The following UBE3D variants were observed in gnomAD, a reference collection of about 807,000 sequenced individuals.
The protein encoded by UBE3D is ubiquitin protein ligase E3D, also known as E3 ubiquitin-protein ligase E3D.
UBE3D carries 48 observed loss-of-function variants against 49.6 expected under a neutral mutation model. The ratio of observed to expected loss-of-function variants is 0.97; its 90% CI spans 0.77 to 1.23. The LOEUF (loss-of-function observed/expected upper bound fraction) is 1.23, where lower values mean the gene tolerates loss of function less well. UBE3D is among the 50% of genes most tolerant of loss of function. The pLI is 0.00. For synonymous variants in UBE3D, 189 were observed against 174.2 expected, an observed-to-expected ratio of 1.08 and a Z score of -0.67; for missense variants, 452 against 468.4, an observed-to-expected ratio of 0.96 and a Z score of 0.32.
rs1047142359 is a variant in UBE3D at position 82,966,425 on chromosome 6, C to T, written c.1011-8975G>A. ...CAGCACTTTGGGAGGCCGAGGCGGGCGGATCACGAGGTCAGGAGATCGAGA... is the reference window on the plus strand; with the variant it reads ...CAGCACTTTGGGAGGCCGAGGCGGGTGGATCACGAGGTCAGGAGATCGAGA... On this transcript the variant is annotated intron_variant, in intron 8 of 9. Coordinates refer to ENST00000369747, the MANE Select transcript of UBE3D (RefSeq NM_198920.3). 6.9e-5 allele frequency among the ~76,000 whole-genome samples: 5 copies of T among 72,134 alleles called. 1 individual carries two copies. In the East Asian group the frequency reaches 1.1e-3, roughly 17 times the overall value. The allele number at this position is 72,134 out of a possible 152,430, so 47.3% of individuals were successfully genotyped here. A position where few individuals can be genotyped will look rare whatever the true frequency, so the allele number is the denominator to read the frequency against.
chr6:82,888,672 AG>A (rs1730168505), downstream of UBE3D, among the ~76,000 whole-genome samples: 1 of 152,192 alleles, frequency 6.6e-6, no homozygotes, highest in African/African-American at 2.4e-5. Context: ...TCCTAGAATA[AG>A]GGTGGCCTTG....
intron 8 of UBE3D, among the ~76,000 whole-genome samples, chr6:82,961,759 C>T (rs1210295922): frequency 6.6e-6 from 1 of 151,694 alleles, no homozygotes; most frequent in African/African-American, 2.4e-5. Flanking sequence ...GTCGGGAGTT[C>T]GAGACCAGCC....
Position 82,892,865 on chromosome 6 carries a change from A to T in UBE3D, c.*157T>A, listed in dbSNP as rs995164517. On this transcript the variant is annotated 3_prime_UTR_variant, in exon 10 of 10. Transcript: ENST00000369747. The stretch of plus-strand genomic sequence containing the variant: ...AGTTAACTCTTCTCTTAGAGAATAC[A>T]TGCAAACAAGTAAACTTAAAACTTC... The T allele has an allele frequency of 5.8e-6, 5 of 868,200 alleles. No individual in the cohort carries two copies. Among genetic ancestry groups the T allele is most frequent in the African/African-American group, 1.7e-5 (1 of 60,480 alleles). The allele number at this position is 868,200 out of a possible 1,614,324, so 53.8% of individuals were successfully genotyped here. A position where few individuals can be genotyped will look rare whatever the true frequency, so the allele number is the denominator to read the frequency against.
At chr6:83,028,428 C>T (rs1781635595) in intron 5 of UBE3D, among the ~76,000 whole-genome samples, 1 of 152,152 alleles carries the variant, frequency 6.6e-6, no homozygotes, top group Non-Finnish European at 1.5e-5. Flanking sequence ...AAGTTCAAGA[C>T]TTGAAATTCC....
chr6:83,045,131 T>C (rs1165816627), intron 3 of UBE3D, among the ~76,000 whole-genome samples: 1 of 152,200 alleles, frequency 6.6e-6, no homozygotes, highest in Non-Finnish European at 1.5e-5. Context: ...TGAATGTTCC[T>C]GTTAGAATAT....
Position 82,992,502 on chromosome 6 carries a change from C to T in UBE3D, c.1010+26471G>A, listed in dbSNP as rs547645054. On this transcript the variant is annotated intron_variant, in intron 8 of 9. Transcript: ENST00000369747. ...TCTCCCAAAGTGCTGGGATTACAGG[C>T]GTGAGCCACCACGCCCAGCTGACAT... Among the ~76,000 whole-genome samples the T allele has an allele frequency of 1.8e-4, 27 of 152,156 alleles. 1 individual carries two copies. The East Asian group carries it at 2.5e-3, about 14-fold the overall frequency.
chr6:82,891,864 A>G (rs567267788), downstream of UBE3D, among the ~76,000 whole-genome samples: 13 of 152,298 alleles, frequency 8.5e-5, no homozygotes, highest in African/African-American at 2.9e-4. Context: ...TGTCTCTACT[A>G]AAAATACAAA....
chr6:82,899,007 A>C (rs2127715177), intron 9 of UBE3D, among the ~76,000 whole-genome samples: 1 of 152,188 alleles, frequency 6.6e-6, no homozygotes, highest in East Asian at 1.9e-4. Flanking sequence ...AGGTGATTCC[A>C]ATCCTAAGGT....
intron 9 of UBE3D, among the ~76,000 whole-genome samples, chr6:82,903,308 A>C (rs1771871467): frequency 6.6e-6 from 1 of 152,096 alleles, no homozygotes; most frequent in Admixed American, 6.6e-5. Context: ...TTTGAGAAGA[A>C]AGTAGATTAC....
intron 5 of UBE3D, among the ~76,000 whole-genome samples, chr6:83,031,349 G>A (rs1003350218): frequency 7.9e-5 from 12 of 152,196 alleles, no homozygotes; most frequent in African/African-American, 2.9e-4. Context: ...TTCAAGAAGT[G>A]ACAGAGCATA....
At chr6:82,979,414 T>C (rs911484394) in intron 8 of UBE3D, among the ~76,000 whole-genome samples, 1 of 152,168 alleles carries the variant, frequency 6.6e-6, no homozygotes, top group African/African-American at 2.4e-5. Context: ...TCCTAACATG[T>C]GGCTCTCTGG....
chr6:82,918,569 T>C (rs1279425277), intron 9 of UBE3D, among the ~76,000 whole-genome samples: 1 of 152,198 alleles, frequency 6.6e-6, no homozygotes, highest in East Asian at 1.9e-4. Flanking sequence ...GAATTTGTTG[T>C]AATAGGATGA....
chr6:82,949,011 C>T (rs186978118), intron 9 of UBE3D, among the ~76,000 whole-genome samples: 56 of 152,066 alleles, frequency 3.7e-4, no homozygotes, highest in Admixed American at 2.0e-3. Flanking sequence ...ACTGGAAGTC[C>T]TAGCTATAGC....
chr6:83,036,407 T>C (rs953756489), intron 5 of UBE3D: 1 of 152,176 alleles, frequency 6.6e-6, no homozygotes, highest in African/African-American at 2.4e-5. Flanking sequence ...TTTAATTTTT[T>C]TTTTCTGAAG....
At position 82,911,771 on chromosome 6, in the gene UBE3D, G is replaced by A. The variant is rs190514435; in HGVS notation, c.1150-18729C>T. 3.4e-4 allele frequency among the ~76,000 whole-genome samples: 51 copies of A among 152,216 alleles called. No individual in the cohort carries two copies. In the East Asian group the frequency reaches 5.6e-3, roughly 17 times the overall value. ...AAAAGGGGATGTACAGGATTAGGACGGGGGATCACAACATTTACACTGATA... is the reference window on the plus strand; with the variant it reads ...AAAAGGGGATGTACAGGATTAGGACAGGGGATCACAACATTTACACTGATA... On this transcript the variant is annotated intron_variant, in intron 9 of 9. Transcript: ENST00000369747.
At chr6:82,914,150 T>G (rs776120335) in intron 9 of UBE3D, among the ~76,000 whole-genome samples, 1 of 152,210 alleles carries the variant, frequency 6.6e-6, no homozygotes, top group Admixed American at 6.5e-5. Context: ...GATGAAGGTA[T>G]AGTGTGTTTA....
intron 9 of UBE3D, among the ~76,000 whole-genome samples, chr6:82,913,114 C>T (rs912522615): frequency 6.6e-6 from 1 of 152,178 alleles, no homozygotes; most frequent in African/African-American, 2.4e-5. Context: ...TAGATTCTCG[C>T]TCTGTGGTTT....
intron 7 of UBE3D, among the ~76,000 whole-genome samples, chr6:83,020,169 G>A (rs1325514680): frequency 6.6e-6 from 1 of 152,118 alleles, no homozygotes; most frequent in Non-Finnish European, 1.5e-5. Flanking sequence ...TTCTAAAGAA[G>A]TACTAAAAGA....
At chr6:83,032,662 A>G (rs1334070845) in intron 5 of UBE3D, among the ~76,000 whole-genome samples, 1 of 152,160 alleles carries the variant, frequency 6.6e-6, no homozygotes. Context: ...ACAGAATGAT[A>G]TGGTTTGGCT....
Sources: allele counts gnomAD v4.1 joint callset (sites outside exome capture counted in the v4.1 genomes callset), GRCh38; gene constraint gnomAD v4.1.1; transcripts MANE v1.5; gene names NCBI Gene and HGNC (gene_info 2026-07-23, HGNC 2026-07-21).